The following CDYL variants were observed in gnomAD, a reference collection of about 807,000 sequenced individuals.
The protein encoded by CDYL is chromodomain Y-like protein.
Under a neutral mutation model 47.3 loss-of-function variants are expected in CDYL, and 8 were observed. The ratio of observed to expected loss-of-function variants is 0.17; its 90% CI spans 0.10 to 0.31. CDYL has a LOEUF of 0.31. Ranked by LOEUF, CDYL falls within the 10% of genes least tolerant of loss-of-function variation. The pLI is 1.00. For missense variants in CDYL, 471 were observed against 701.4 expected (o/e 0.67, Z 3.71); for synonymous variants, 266 against 265.0 (o/e 1.00, Z -0.04).
intron 3 of CDYL, among the ~76,000 whole-genome samples, chr6:4,762,362 A>G (rs1758187676): frequency 6.6e-6 from 1 of 152,198 alleles, no homozygotes; most frequent in South Asian, 2.1e-4. Context: ...GACCTCAAAT[A>G]TATTTCTACA....
At chr6:4,841,306 G>A (rs887202865) in intron 1 of CDYL, among the ~76,000 whole-genome samples, 1 of 151,634 alleles carries the variant, frequency 6.6e-6, no homozygotes, top group African/African-American at 2.4e-5. Context: ...TCCTTGTCTT[G>A]GTTAATCTCA....
Position 4,925,212 on chromosome 6 carries a change from C to T in CDYL, c.692-10303C>T, listed in dbSNP as rs754223784. 5.3e-5 allele frequency among the ~76,000 whole-genome samples: 8 copies of T among 152,170 alleles called. No individual in the cohort carries two copies. The East Asian group carries it at 5.8e-4, about 11-fold the overall frequency. On this transcript the variant is annotated intron_variant, in intron 2 of 6. Coordinates refer to ENST00000397588, the MANE Select transcript of CDYL (RefSeq NM_004824.4). ...CAATTGTGCATAAATGTGTGACATT[C>T]GCAGTATACTCAGATCGTTCCTAAT...
chr6:4,900,824 T>TCTATATCTATATCTATATAG (rs1757024374), intron 2 of CDYL, among the ~76,000 whole-genome samples: 1 of 99,120 alleles, frequency 1.0e-5, no homozygotes, highest in African/African-American at 3.4e-5. Flanking sequence ...TATATATATA[T>TCTATATCTATATCTATATAG]ATATATCTTG....
intron 2 of CDYL, among the ~76,000 whole-genome samples, chr6:4,722,045 G>A (rs1757379814): frequency 6.6e-6 from 1 of 151,982 alleles, no homozygotes; most frequent in South Asian, 2.1e-4. Flanking sequence ...AGTAGAGACG[G>A]GATTTCATCA....
At chr6:4,724,215 A>ATT (rs35194498) in intron 2 of CDYL, among the ~76,000 whole-genome samples, 3 of 146,574 alleles carry the variant, frequency 2.0e-5, no homozygotes, top group East Asian at 2.0e-4. Flanking sequence ...TAATTTTTGT[A>ATT]TTTTTTTTTT....
Position 4,900,779 on chromosome 6 carries a change from G to GTGTGTATATATGTATGTATA in CDYL, c.691+8401_691+8402insGTGTATATATGTATGTATAT. 2.4e-3 allele frequency among the ~76,000 whole-genome samples: 122 copies of GTGTGTATATATGTATGTATA among 51,720 alleles called. 8 individuals carry two copies. Among genetic ancestry groups the GTGTGTATATATGTATGTATA allele is most frequent in the Middle Eastern group, 0.013 (1 of 80 alleles). 33.9% of individuals were successfully genotyped at this position (51,720 alleles called of 152,430 possible). On this transcript the variant is annotated intron_variant, in intron 2 of 6. Transcript: ENST00000397588. ...TCTTCTGTTAATTCCGTATACGTGT[G>GTGTGTATATATGTATGTATA]TATATATATATATATATATATATAT... is the stretch of plus-strand genomic sequence containing the variant.
chr6:4,921,403 G>A (rs537352918), intron 2 of CDYL, among the ~76,000 whole-genome samples: 21 of 152,324 alleles, frequency 1.4e-4, no homozygotes, highest in South Asian at 6.2e-4. Context: ...GAGGACTCTA[G>A]TTCGAAGTCC....
chr6:4,821,260 C>CTTTT lies in CDYL; in HGVS notation c.24+44479_24+44482dup, dbSNP rs1176819548. ...TGATTATCATGGTCATATGGGAATT[C>CTTTT]TTTTTTTTTTTTTTTTTTTTTTTTT... On this transcript the variant is annotated intron_variant, in intron 1 of 6. Transcript: ENST00000397588. Among the ~76,000 whole-genome samples, 53 of 60,380 alleles carry CTTTT rather than the reference C, an allele frequency of 8.8e-4. 2 individuals are homozygous for CTTTT. Among genetic ancestry groups the CTTTT allele is most frequent in the African/African-American group, 1.7e-3 (24 of 13,900 alleles). 39.6% of individuals were successfully genotyped at this position (60,380 alleles called of 152,430 possible). A position where few individuals can be genotyped will look rare whatever the true frequency, so the allele number is the denominator to read the frequency against.
intron 1 of CDYL, among the ~76,000 whole-genome samples, chr6:4,887,047 C>G (rs60109407): frequency 0.048 from 7,371 of 152,202 alleles, 205 homozygotes; most frequent in South Asian, 0.14. Flanking sequence ...TTCCATTAGG[C>G]TATATGTCTG....
chr6:4,862,070 G>T (rs1761185050), intron 1 of CDYL, among the ~76,000 whole-genome samples: 1 of 152,158 alleles, frequency 6.6e-6, no homozygotes, highest in African/African-American at 2.4e-5. Context: ...AGAACTGTCA[G>T]ACTCCTGGAT....
chr6:4,786,911 C>T (rs774807038), intron 1 of CDYL, among the ~76,000 whole-genome samples: 1 of 152,184 alleles, frequency 6.6e-6, no homozygotes, highest in Non-Finnish European at 1.5e-5. Context: ...CCAGGTCCCT[C>T]GAGTTGAGGC....
chr6:4,852,390 C>CAA (rs1368805149), intron 1 of CDYL, among the ~76,000 whole-genome samples: 1 of 133,548 alleles, frequency 7.5e-6, no homozygotes, highest in African/African-American at 3.7e-5. Context: ...TCCTATCTTC[C>CAA]TTCCTTCCTC....
At chr6:4,800,279 C>G (rs1229863275) in intron 1 of CDYL, among the ~76,000 whole-genome samples, 1 of 151,818 alleles carries the variant, frequency 6.6e-6, no homozygotes. Flanking sequence ...AATTTTAATT[C>G]TTCTGTTGGT....
intron 3 of CDYL, among the ~76,000 whole-genome samples, chr6:4,761,426 C>G (rs530615866): frequency 1.1e-3 from 166 of 152,322 alleles, no homozygotes; most frequent in Middle Eastern, 0.01. Flanking sequence ...TCGCTGCAAA[C>G]TCCACCTCCC....
intron 1 of CDYL, among the ~76,000 whole-genome samples, chr6:4,858,601 C>CT (rs1761079640): frequency 6.6e-6 from 1 of 152,332 alleles, no homozygotes; most frequent in South Asian, 2.1e-4. Context: ...GGCTGGCATG[C>CT]TTATTCATCT....
chr6:4,706,467 C>T (rs1194968640), intron 1 of CDYL, among the ~76,000 whole-genome samples: 1 of 151,554 alleles, frequency 6.6e-6, no homozygotes, highest in Non-Finnish European at 1.5e-5. Context: ...TTTTTTGCCA[C>T]ATCAGATTTT....
chr6:4,866,562 C>A, intron 1 of CDYL, among the ~76,000 whole-genome samples: 1 of 151,952 alleles, frequency 6.6e-6, no homozygotes, highest in South Asian at 2.1e-4. Context: ...AAAGACAATG[C>A]CAAGTCCTTG....
intron 2 of CDYL, among the ~76,000 whole-genome samples, chr6:4,920,357 T>A (rs1338266944): frequency 6.6e-6 from 1 of 152,170 alleles, no homozygotes; most frequent in East Asian, 1.9e-4. Context: ...TGCTCTAGAT[T>A]CCATTTGCTA....
chr6:4,732,535 G>A lies in CDYL; in HGVS notation c.104-2227G>A, dbSNP rs546726586. Among the ~76,000 whole-genome samples, 3 of 151,956 alleles carry A rather than the reference G, an allele frequency of 2.0e-5. No homozygotes were observed. In the South Asian group the frequency reaches 6.2e-4, roughly 32 times the overall value. On this transcript the variant is annotated intron_variant, in intron 2 of 8. Transcript: ENST00000328908. ...AAATTCACTGGGCATAGTGGTGAAT[G>A]CCTGCAGTCATAGCTACTCAGGAGG...
Sources: gnomAD v4.1 joint callset for allele counts (sites outside exome capture counted in the v4.1 genomes callset) on GRCh38, gnomAD v4.1.1 for gene constraint, MANE v1.5 for transcripts, NCBI Gene and HGNC (gene_info 2026-07-23, HGNC 2026-07-21) for gene names.